The following FLI1 variants were observed in gnomAD, a reference collection of about 807,000 sequenced individuals.
The protein encoded by FLI1 is Friend leukemia integration 1 transcription factor.
Under a neutral mutation model 53.1 loss-of-function variants are expected in FLI1, and 13 were observed. The ratio of observed to expected loss-of-function variants is 0.24; its 90% confidence interval spans 0.16 to 0.39. The LOEUF (loss-of-function observed/expected upper bound fraction) is 0.39, where lower values mean the gene tolerates loss of function less well. Among genes scored for constraint, FLI1 ranks in the 10% least tolerant of loss-of-function variants. The probability of loss-of-function intolerance (pLI) is 1.00; values close to 1 mark genes in which losing one functional copy is unlikely to be tolerated. For synonymous variants in FLI1, 244 were observed against 236.7 expected (o/e 1.03, Z -0.28); for missense variants, 424 against 600.5 (o/e 0.71, Z 3.07).
chr11:128,734,047 G>C (rs557097901), intron 1 of FLI1, among the ~76,000 whole-genome samples: 1 of 152,170 alleles, frequency 6.6e-6, no homozygotes, highest in Non-Finnish European at 1.5e-5. Context: ...TCCCCAGAGC[G>C]CCCAGGGGCT....
chr11:128,730,431 G>A (rs1289315742), intron 1 of FLI1, among the ~76,000 whole-genome samples: 2 of 152,302 alleles, frequency 1.3e-5, no homozygotes, highest in Non-Finnish European at 2.9e-5. Context: ...GGAGCAAATC[G>A]GTGCTACTAA....
chr11:128,701,180 T>A (rs1398994762), intron 1 of FLI1, among the ~76,000 whole-genome samples: 5 of 152,196 alleles, frequency 3.3e-5, no homozygotes, highest in African/African-American at 1.2e-4. Flanking sequence ...TTTCACCAGA[T>A]GACATAAAAC....
intron 2 of FLI1, chr11:128,764,792 G>T (rs1484345686): frequency 1.3e-6 from 2 of 1,594,042 alleles, no homozygotes; most frequent in South Asian, 2.2e-5. Context: ...CTGCAAGAAT[G>T]GAGGGAGGAC....
At chr11:128,788,063 G>C (rs146813907) in intron 5 of FLI1, among the ~76,000 whole-genome samples, 52 of 152,006 alleles carry the variant, frequency 3.4e-4, no homozygotes, top group African/African-American at 1.2e-3. Context: ...GCCCGCCTCG[G>C]CCTCCTAATT....
intron 1 of FLI1, among the ~76,000 whole-genome samples, chr11:128,694,627 C>G (rs1381416017): frequency 2.8e-4 from 32 of 115,916 alleles, no homozygotes; most frequent in African/African-American, 1.1e-3. Context: ...GGGTCCACCA[C>G]TCCCACCGAC....
chr11:128,777,160 G>T (rs1371120383), intron 4 of FLI1, among the ~76,000 whole-genome samples: 2 of 152,232 alleles, frequency 1.3e-5, no homozygotes, highest in African/African-American at 4.8e-5. Flanking sequence ...CCAAGGCGGG[G>T]AAGGACCTCG....
intron 2 of FLI1, among the ~76,000 whole-genome samples, chr11:128,763,914 C>T (rs2135821790): frequency 6.6e-6 from 1 of 152,350 alleles, no homozygotes; most frequent in South Asian, 2.1e-4. Context: ...ACAAAAAAGT[C>T]ACATCTATGT....
intron 1 of FLI1, among the ~76,000 whole-genome samples, chr11:128,728,369 G>T (rs1241259958): frequency 1.3e-5 from 2 of 152,260 alleles, no homozygotes; most frequent in Admixed American, 6.5e-5. Context: ...TCACCTGTGT[G>T]TCCCTTTGCT....
Position 128,810,871 on chromosome 11 carries a change from C to T in FLI1, c.1242C>T (p.Ser414=). 2 of 1,614,090 alleles carry T rather than the reference C, an allele frequency of 1.2e-6. No individual in the cohort carries two copies. Among genetic ancestry groups the T allele is most frequent in the Non-Finnish European group, 1.7e-6 (2 of 1,179,910 alleles). The part of the protein sequence containing the change: ...HPSSMPVTSS[S]FFGAASQYWT... ...CCTCCATGCCTGTCACTTCCTCCAG[C>T]TTCTTTGGAGCCGCATCACAATACT... The change falls in exon 9 of 9, where the codon AGC becomes AGT. Residue 414 remains serine (S), a synonymous_variant. Transcript: ENST00000527786. This position sits in a 1 kb window ranked among gnomAD's most constrained non-coding sequence, Gnocchi z 6.6.
intron 6 of FLI1, chr11:128,806,652 G>A (rs138379296): frequency 6.6e-6 from 1 of 152,372 alleles, no homozygotes; most frequent in African/African-American, 2.4e-5. Context: ...AACCATGCAA[G>A]AAGCAATACA....
At chr11:128,693,898 C>T (rs1303481621), upstream of FLI1, 14 of 233,558 alleles carry the variant, frequency 6.0e-5, no homozygotes, top group African/African-American at 2.8e-4. Context: ...GGAGGGAAGA[C>T]GAGGGAGAGC....
At chr11:128,705,046 T>G (rs915158020) in intron 1 of FLI1, among the ~76,000 whole-genome samples, 2 of 152,262 alleles carry the variant, frequency 1.3e-5, no homozygotes, top group South Asian at 2.1e-4. Context: ...TATTGGAACC[T>G]AATCCTGCTT....
intron 5 of FLI1, among the ~76,000 whole-genome samples, chr11:128,799,046 A>ATTTTT (rs759935387): frequency 6.6e-5 from 9 of 135,804 alleles, no homozygotes; most frequent in African/African-American, 2.2e-4. Flanking sequence ...TATTATTATT[A>ATTTTT]TTATTATTTT....
chr11:128,778,662 A>C (rs1565495877), intron 4 of FLI1, among the ~76,000 whole-genome samples: 1 of 152,200 alleles, frequency 6.6e-6, no homozygotes. Flanking sequence ...CGTCTGGCAC[A>C]CCGTGCATGT....
chr11:128,702,900 G>T (rs552130357), intron 1 of FLI1, among the ~76,000 whole-genome samples: 11 of 149,694 alleles, frequency 7.3e-5, no homozygotes, highest in African/African-American at 2.7e-4. Flanking sequence ...AATACCATAG[G>T]TAAGGTGAAA....
chr11:128,794,361 T>C (rs1942367015), intron 5 of FLI1, among the ~76,000 whole-genome samples: 1 of 152,192 alleles, frequency 6.6e-6, no homozygotes, highest in Non-Finnish European at 1.5e-5. Context: ...ATTTAGAAAT[T>C]CCACCACATG....
chr11:128,689,497 T>C (rs1937653610), upstream of FLI1, among the ~76,000 whole-genome samples: 1 of 152,190 alleles, frequency 6.6e-6, no homozygotes, highest in African/African-American at 2.4e-5. Context: ...GTCTTCCGCC[T>C]GTCCCCCGGA....
intron 1 of FLI1, among the ~76,000 whole-genome samples, chr11:128,746,810 TA>T (rs1940410371): frequency 6.6e-6 from 1 of 152,102 alleles, no homozygotes; most frequent in African/African-American, 2.4e-5. Context: ...AAACTTTCAG[TA>T]AAGGATGGTT....
upstream of FLI1, among the ~76,000 whole-genome samples, chr11:128,690,670 A>G (rs931469476): frequency 2.0e-4 from 31 of 152,156 alleles, no homozygotes; most frequent in African/African-American, 6.3e-4. Flanking sequence ...CCAAATCCAA[A>G]TATTTCCTGA....
Sources: allele counts gnomAD v4.1 joint callset (sites outside exome capture counted in the v4.1 genomes callset), GRCh38; gene constraint gnomAD v4.1.1; non-coding constraint Gnocchi (gnomAD v3.1); transcripts MANE v1.5; gene names NCBI Gene and HGNC (gene_info 2026-07-23, HGNC 2026-07-21).